The following CERK variants were observed in gnomAD, a reference collection of about 807,000 sequenced individuals.
CERK encodes the protein ceramide kinase, also known as acylsphingosine kinase.
Under a neutral mutation model 63.4 loss-of-function variants are expected in CERK, and 39 were observed. The ratio of observed to expected loss-of-function variants is 0.61; its 90% CI spans 0.48 to 0.80. The LOEUF (loss-of-function observed/expected upper bound fraction) is 0.80. CERK is among the 30% of genes least tolerant of loss of function. The pLI is 0.00. For missense variants in CERK, 670 were observed against 714.1 expected (o/e 0.94, Z 0.70); for synonymous variants, 302 against 280.0 (o/e 1.08, Z -0.78).
At position 46,721,033 on chromosome 22, in the gene CERK, C is replaced by T; in HGVS notation, c.143-18G>A. 2 of 1,511,550 alleles carry T rather than the reference C, an allele frequency of 1.3e-6. No individual in the cohort carries two copies. Among genetic ancestry groups the T allele is most frequent in the Non-Finnish European group, 1.8e-6 (2 of 1,086,922 alleles). The allele number at this position is 1,511,550 out of a possible 1,614,324, so 93.6% of individuals were successfully genotyped here. On this transcript the variant is annotated intron_variant, in intron 1 of 12. Coordinates refer to ENST00000216264, the MANE Select transcript of CERK (RefSeq NM_022766.6). Reference sequence around the variant, plus strand: ...GCAGGCATCTGTAAAAACACCACGTCCTTCTGTCAAAGAATTCGTCAGAAT... The same window carrying T: ...GCAGGCATCTGTAAAAACACCACGTTCTTCTGTCAAAGAATTCGTCAGAAT...
At position 46,686,831 on chromosome 22, in the gene CERK, A is replaced by T; in HGVS notation, c.*303T>A. ...CTAACATTATTGCAATAGAGCCACT[A>T]ACGGGCCATTTTCTAAACTACACTG... On this transcript the variant is annotated 3_prime_UTR_variant, in exon 13 of 13. Transcript: ENST00000216264. 1 of 337,268 alleles carries T rather than the reference A, an allele frequency of 3.0e-6. No homozygotes were observed. The highest frequency in any genetic ancestry group is 5.6e-6 in the Non-Finnish European group (1 of 179,004). The allele number at this position is 337,268 out of a possible 1,614,324, so 20.9% of individuals were successfully genotyped here. A position where few individuals can be genotyped will look rare whatever the true frequency, so the allele number is the denominator to read the frequency against.
At chr22:46,718,196 T>C (rs887880861) in intron 3 of CERK, among the ~76,000 whole-genome samples, 1 of 152,170 alleles carries the variant, frequency 6.6e-6, no homozygotes, top group African/African-American at 2.4e-5. Flanking sequence ...AAGGAGACTA[T>C]ATCAAATGCA....
chr22:46,687,135 C>A lies in CERK; in HGVS notation c.1613G>T (p.Ter538LeuextTer16), dbSNP rs1225612156. 14 of 1,613,986 alleles carry A rather than the reference C, an allele frequency of 8.7e-6. No homozygotes were observed. Among genetic ancestry groups the A allele is most frequent in the Non-Finnish European group, 1.1e-5 (13 of 1,179,966 alleles). ...GTTTGTGAGCAGGACGCCGGCTTCTCAGCTGTGTGAGTCTGGCTTCGGATT... is the reference window on the plus strand; with the variant it reads ...GTTTGTGAGCAGGACGCCGGCTTCTAAGCTGTGTGAGTCTGGCTTCGGATT... ...EENPKPDSHS[*>L] Residue 538 changes from the stop codon to leucine (L), a stop_lost, in exon 13 of 13, where the codon TGA (stop) becomes TTA (leucine). Coordinates refer to ENST00000216264, the MANE Select transcript of CERK (RefSeq NM_022766.6).
intron 6 of CERK, among the ~76,000 whole-genome samples, chr22:46,705,601 G>T (rs2082809212): frequency 6.6e-6 from 1 of 152,148 alleles, no homozygotes; most frequent in Non-Finnish European, 1.5e-5. Context: ...AGCCCAGGAG[G>T]CAGAGGTTGC....
intron 6 of CERK, among the ~76,000 whole-genome samples, chr22:46,704,308 A>G (rs16995609): frequency 0.052 from 7,865 of 152,298 alleles, 641 homozygotes; most frequent in African/African-American, 0.17. Flanking sequence ...AGAGCTGAGG[A>G]TTTTAGGGCT....
At chr22:46,706,160 G>A (rs2082811781) in intron 6 of CERK, among the ~76,000 whole-genome samples, 1 of 152,266 alleles carries the variant, frequency 6.6e-6, no homozygotes, top group East Asian at 1.9e-4. Context: ...TCATTCAACA[G>A]ATATCTAAGA....
In CERK at chr22:46,713,590, C is replaced by A. The variant is rs59601288; in HGVS notation, c.380-1297G>T. Among the ~76,000 whole-genome samples, 1,041 of 151,658 alleles carry A rather than the reference C, an allele frequency of 6.9e-3. 12 individuals carry two copies. The highest frequency in any genetic ancestry group is 0.024 in the African/African-American group (991 of 41,306). On this transcript the variant is annotated intron_variant, in intron 3 of 12. Coordinates refer to ENST00000216264, the MANE Select transcript of CERK (RefSeq NM_022766.6). ...CACAGCATTCTTCACCACAGCCAAG[C>A]AGTGGGAACAGCCTGAACGCCCATC...
At chr22:46,706,344 GGTC>G (rs1157091374) in intron 6 of CERK, among the ~76,000 whole-genome samples, 1 of 152,212 alleles carries the variant, frequency 6.6e-6, no homozygotes, top group Non-Finnish European at 1.5e-5. Flanking sequence ...GGAACCGAGA[GGTC>G]GGCGGCACAC....
Position 46,712,208 on chromosome 22 carries a change from T to C in CERK, c.465A>G (p.Ala155=). 1 of 1,614,180 alleles carries C rather than the reference T, an allele frequency of 6.2e-7. No individual in the cohort carries two copies. The highest frequency in any genetic ancestry group is 8.5e-7 in the Non-Finnish European group (1 of 1,179,978). ...TGATGGAGGCTAAGGTGAACAGTGG[T>C]GCCACTTTTCTTTCATATATCCGCT... ...QGKRIYERKV[A]PLFTLASITT... The change falls in exon 4 of 13, where the codon GCA becomes GCG. Residue 155 remains alanine (A), a synonymous_variant. Transcript: ENST00000216264.
At position 46,737,977 on chromosome 22, in the gene CERK, C is replaced by T. The variant is rs1235243886; in HGVS notation, c.142+30G>A. The T allele has an allele frequency of 2.7e-5, 31 of 1,160,964 alleles. No individual in the cohort carries two copies. The African/African-American group carries it at 4.6e-4, about 17-fold the overall frequency. The allele number at this position is 1,160,964 out of a possible 1,614,324, so 71.9% of individuals were successfully genotyped here. A position where few individuals can be genotyped will look rare whatever the true frequency, so the allele number is the denominator to read the frequency against. On this transcript the variant is annotated intron_variant, in intron 1 of 12. Transcript: ENST00000216264. ...GCCGCCCCCGCTCCCTGGCCAGGTC[C>T]GGCCGAACCCGGGCGGCGGCGACAC... is the stretch of plus-strand genomic sequence containing the variant.
intron 1 of CERK, among the ~76,000 whole-genome samples, chr22:46,722,081 A>G (rs2082895277): frequency 6.6e-6 from 1 of 152,188 alleles, no homozygotes; most frequent in Non-Finnish European, 1.5e-5. Flanking sequence ...TTATTCTGGA[A>G]TTACTGTTAG....
intron 6 of CERK, among the ~76,000 whole-genome samples, chr22:46,703,185 C>A (rs76535366): frequency 0.022 from 3,276 of 152,296 alleles, 104 homozygotes; most frequent in African/African-American, 0.069. Flanking sequence ...TATACTAATA[C>A]ATATGTGGAA....
chr22:46,719,898 G>A (rs1370714192), intron 3 of CERK, among the ~76,000 whole-genome samples, 188 bp downstream of exon 3: 1 of 152,244 alleles, frequency 6.6e-6, no homozygotes, highest in African/African-American at 2.4e-5. Context: ...GGTCCAGGCT[G>A]TGGAGCCCAT....
chr22:46,713,334 C>G (rs2082851090), intron 3 of CERK, among the ~76,000 whole-genome samples: 1 of 150,914 alleles, frequency 6.6e-6, no homozygotes, highest in Non-Finnish European at 1.5e-5. Context: ...GAAATCCCGT[C>G]TCTACTAAAA....
intron 6 of CERK, among the ~76,000 whole-genome samples, chr22:46,704,824 C>T (rs1284109251): frequency 1.2e-5 from 1 of 83,698 alleles, no homozygotes; most frequent in Non-Finnish European, 2.3e-5. Flanking sequence ...GACTCCATCT[C>T]AAAAAAAAAA....
intron 9 of CERK, among the ~76,000 whole-genome samples, chr22:46,693,985 G>A (rs1256617077): frequency 2.0e-5 from 3 of 152,068 alleles, no homozygotes; most frequent in East Asian, 1.9e-4. Context: ...GGGGGCTGCC[G>A]GATTCACGCT....
intron 1 of CERK, among the ~76,000 whole-genome samples, chr22:46,725,597 G>A (rs1367801558): frequency 6.6e-6 from 1 of 152,220 alleles, no homozygotes; most frequent in East Asian, 1.9e-4. Flanking sequence ...GGAATTGGGG[G>A]CACTTTCATA....
In CERK at chr22:46,685,191, A is replaced by G. The variant is rs2236029; in HGVS notation, c.*1943T>C. On this transcript the variant is annotated 3_prime_UTR_variant, in exon 13 of 13. Coordinates refer to ENST00000216264, the MANE Select transcript of CERK (RefSeq NM_022766.6). Reference sequence around the variant, plus strand: ...GTTCAAGCGATTCTCCTGCCTCAGCATCCCTAGTAGCTGAGATTACAGGCG... The same window carrying G: ...GTTCAAGCGATTCTCCTGCCTCAGCGTCCCTAGTAGCTGAGATTACAGGCG... 0.53 allele frequency: 80,429 copies of G among 151,912 alleles called. 22,517 individuals carry two copies. The highest frequency in any genetic ancestry group is 0.71 in the African/African-American group (29,498 of 41,404). The allele number at this position is 151,912 out of a possible 1,614,324, so 9.4% of individuals were successfully genotyped here.
At chr22:46,703,230 T>C (rs2082796303) in intron 6 of CERK, among the ~76,000 whole-genome samples, 1 of 152,172 alleles carries the variant, frequency 6.6e-6, no homozygotes, top group Admixed American at 6.5e-5. Flanking sequence ...ACATCAGGTC[T>C]CAAAGCAGCC....
Sources: allele counts gnomAD v4.1 joint callset (sites outside exome capture counted in the v4.1 genomes callset), GRCh38; gene constraint gnomAD v4.1.1; transcripts MANE v1.5; gene names NCBI Gene and HGNC (gene_info 2026-07-23, HGNC 2026-07-21).